SETBP1: variants seen among roughly 807,000 people sequenced by gnomAD.
SETBP1 encodes SET-binding protein.
Under a neutral mutation model 101.0 loss-of-function variants are expected in SETBP1, and 9 were observed. The observed-to-expected ratio is 0.09, with a 90% CI of 0.05 to 0.16. The LOEUF (loss-of-function observed/expected upper bound fraction) is 0.16. SETBP1 is among the 10% of genes least tolerant of loss of function. The pLI is 1.00. For synonymous variants in SETBP1, 818 were observed against 788.5 expected (o/e 1.04, Z -0.63); for missense variants, 1,858 against 2,033.8 (o/e 0.91, Z 1.66).
chr18:44,907,293 G>T (rs1245541147), intron 3 of SETBP1, among the ~76,000 whole-genome samples: 1 of 152,086 alleles, frequency 6.6e-6, no homozygotes, highest in Non-Finnish European at 1.5e-5. Context: ...TTTGGTTATT[G>T]TAACTAATGC....
intron 2 of SETBP1, among the ~76,000 whole-genome samples, chr18:44,803,277 T>A (rs1055180006): frequency 2.0e-5 from 3 of 152,162 alleles, no homozygotes; most frequent in African/African-American, 7.2e-5. Context: ...ACAGTGGAGT[T>A]CTGTAGCTGT....
chr18:44,856,475 A>T (rs565725110), intron 2 of SETBP1, among the ~76,000 whole-genome samples: 10 of 152,132 alleles, frequency 6.6e-5, no homozygotes, highest in Non-Finnish European at 1.0e-4. Context: ...TGTTGTTGGG[A>T]TGATTATGTG....
At chr18:44,858,376 A>G (rs1042539850) in intron 2 of SETBP1, among the ~76,000 whole-genome samples, 10 of 152,230 alleles carry the variant, frequency 6.6e-5, no homozygotes, top group African/African-American at 2.2e-4. Flanking sequence ...AGGGATTGCA[A>G]ATTGATTGCA....
At chr18:44,758,343 A>T (rs376060513) in intron 2 of SETBP1, among the ~76,000 whole-genome samples, 17 of 152,054 alleles carry the variant, frequency 1.1e-4, no homozygotes, top group African/African-American at 3.4e-4. Context: ...AGATCTCAGG[A>T]CCTTAAATCT....
rs568943725 is a variant in SETBP1, at chr18:44,953,525, A to G, written c.4000+185A>G. ...GTACATTGTTTACTTGGTATTTACT[A>G]TCTTCCTTCTCTCCTGGAGCCATTG... On this transcript the variant is annotated intron_variant, in intron 4 of 5. Coordinates refer to ENST00000649279, the MANE Select transcript of SETBP1 (RefSeq NM_015559.3). Among the ~76,000 whole-genome samples the G allele has an allele frequency of 5.3e-4, 80 of 152,292 alleles. 1 individual carries two copies. Among genetic ancestry groups the G allele is most frequent in the African/African-American group, 1.9e-3 (78 of 41,560 alleles).
chr18:44,722,567 G>A (rs2069623243), intron 2 of SETBP1, among the ~76,000 whole-genome samples: 1 of 152,224 alleles, frequency 6.6e-6, no homozygotes, highest in Non-Finnish European at 1.5e-5. Context: ...AGACCCTCCT[G>A]CAGAGCAGCA....
chr18:44,871,132 A>T (rs928589370), intron 3 of SETBP1: 1 of 152,194 alleles, frequency 6.6e-6, no homozygotes, highest in Non-Finnish European at 1.5e-5. Context: ...TTCACTCCTC[A>T]GGATGCCTGT....
chr18:44,772,876 CT>C (rs2070906741), intron 2 of SETBP1, among the ~76,000 whole-genome samples: 1 of 152,182 alleles, frequency 6.6e-6, no homozygotes, highest in Non-Finnish European at 1.5e-5. Flanking sequence ...AACATGATTC[CT>C]CCTTAAGCGT....
chr18:44,999,608 A>G (rs188760939), intron 4 of SETBP1, among the ~76,000 whole-genome samples: 1 of 152,292 alleles, frequency 6.6e-6, no homozygotes, highest in East Asian at 1.9e-4. Context: ...AGTCAGAACC[A>G]CCTCAGAGAT....
chr18:44,956,291 A>G (rs2071479171), intron 4 of SETBP1, among the ~76,000 whole-genome samples: 1 of 152,040 alleles, frequency 6.6e-6, no homozygotes, highest in African/African-American at 2.4e-5. Flanking sequence ...CTTTAGCATC[A>G]CATAGAATCC....
intron 2 of SETBP1, among the ~76,000 whole-genome samples, chr18:44,823,538 A>C (rs1220138672): frequency 6.6e-6 from 1 of 152,202 alleles, no homozygotes; most frequent in Non-Finnish European, 1.5e-5. Context: ...ACTCACTTCT[A>C]TTCAGGCTTA....
chr18:44,836,019 C>T (rs899292325), intron 2 of SETBP1, among the ~76,000 whole-genome samples: 6 of 152,190 alleles, frequency 3.9e-5, no homozygotes, highest in African/African-American at 1.2e-4. Context: ...CAACTAATCA[C>T]GTGAAGCATT....
intron 2 of SETBP1, among the ~76,000 whole-genome samples, chr18:44,719,768 G>A (rs2069545183): frequency 6.6e-6 from 1 of 152,170 alleles, no homozygotes; most frequent in Admixed American, 6.5e-5. Flanking sequence ...GGCCCTGATT[G>A]CAGGAGCAGC....
At chr18:44,768,773 A>G (rs983540673) in intron 2 of SETBP1, among the ~76,000 whole-genome samples, 1 of 152,224 alleles carries the variant, frequency 6.6e-6, no homozygotes, top group African/African-American at 2.4e-5. Flanking sequence ...TTCACTAAAG[A>G]CTTTGTTATT....
intron 1 of SETBP1, among the ~76,000 whole-genome samples, chr18:44,692,413 C>T (rs1342992850): frequency 6.6e-6 from 1 of 152,178 alleles, no homozygotes; most frequent in Non-Finnish European, 1.5e-5. Context: ...GAAATCTAAA[C>T]CTATGTCATC....
At chr18:44,746,406 G>T (rs2070248122) in intron 2 of SETBP1, among the ~76,000 whole-genome samples, 1 of 152,198 alleles carries the variant, frequency 6.6e-6, no homozygotes, top group Non-Finnish European at 1.5e-5. Flanking sequence ...GTGTTTTTTA[G>T]GTGATCCAGT....
intron 4 of SETBP1, among the ~76,000 whole-genome samples, chr18:44,973,937 T>C (rs1363853914): frequency 6.6e-6 from 1 of 152,196 alleles, no homozygotes; most frequent in Non-Finnish European, 1.5e-5. Flanking sequence ...AGGACAGGGC[T>C]TGTCAGACTG....
In SETBP1 at chr18:44,866,191, A is replaced by T. The variant is rs1433962716; in HGVS notation, c.487-3039A>T. Among the ~76,000 whole-genome samples the T allele has an allele frequency of 2.0e-5, 3 of 152,228 alleles. No homozygotes were observed. The East Asian group carries it at 5.8e-4, about 29-fold the overall frequency. The stretch of plus-strand genomic sequence containing the variant: ...AAACACCACCCAATATTCTTCTAGT[A>T]AAACCTGTAGTGGCTGGAGAAGAGC... On this transcript the variant is annotated intron_variant, in intron 2 of 5. Transcript: ENST00000649279.
At chr18:44,878,471 A>G (rs1334580430) in intron 3 of SETBP1, among the ~76,000 whole-genome samples, 2 of 152,112 alleles carry the variant, frequency 1.3e-5, no homozygotes, top group Non-Finnish European at 2.9e-5. Flanking sequence ...GTTTATTACT[A>G]GATTTAGTTA....
Sources: gnomAD v4.1 joint callset for allele counts (sites outside exome capture counted in the v4.1 genomes callset) on GRCh38, gnomAD v4.1.1 for gene constraint, MANE v1.5 for transcripts, NCBI Gene and HGNC (gene_info 2026-07-23, HGNC 2026-07-21) for gene names.